Variants in SYN3 observed in about 807,000 individuals in gnomAD.
The protein encoded by SYN3 is synapsin-3.
A neutral mutation model predicts 65.8 loss-of-function variants in SYN3; 35 were observed. That is an observed-to-expected ratio of 0.53 (90% CI 0.41 to 0.70). The LOEUF (loss-of-function observed/expected upper bound fraction) is 0.70, where lower values mean the gene tolerates loss of function less well. SYN3 is among the 30% of genes least tolerant of loss of function. The probability of loss-of-function intolerance (pLI) is 0.00; values close to 1 mark genes in which losing one functional copy is unlikely to be tolerated. For synonymous variants in SYN3, 270 were observed against 292.9 expected (o/e 0.92, Z 0.80); for missense variants, 680 against 749.0 (o/e 0.91, Z 1.08).
intron 6 of SYN3, among the ~76,000 whole-genome samples, chr22:32,631,371 T>G (rs1028886101): frequency 3.3e-5 from 5 of 152,050 alleles, no homozygotes; most frequent in African/African-American, 1.2e-4. Flanking sequence ...GATGTTGGGT[T>G]TTTGTGCGTA....
chr22:32,892,595 T>C (rs2049482270), intron 4 of SYN3, among the ~76,000 whole-genome samples: 1 of 152,184 alleles, frequency 6.6e-6, no homozygotes, highest in East Asian at 1.9e-4. Flanking sequence ...TTCTGATCCT[T>C]GAAAGTATAG....
At chr22:32,691,417 C>G (rs2060659956) in intron 6 of SYN3, among the ~76,000 whole-genome samples, 1 of 152,134 alleles carries the variant, frequency 6.6e-6, no homozygotes, top group African/African-American at 2.4e-5. Flanking sequence ...ACATGGGCTG[C>G]CTTTACTTTT....
At chr22:32,867,396 G>A (rs2048714183) in intron 5 of SYN3, among the ~76,000 whole-genome samples, 1 of 152,164 alleles carries the variant, frequency 6.6e-6, no homozygotes, top group Non-Finnish European at 1.5e-5. Flanking sequence ...TATGTTTCTA[G>A]GACTTACAAC....
chr22:32,554,728 C>T (rs1249664437), intron 7 of SYN3, among the ~76,000 whole-genome samples: 1 of 152,194 alleles, frequency 6.6e-6, no homozygotes, highest in Non-Finnish European at 1.5e-5. Flanking sequence ...ATAAGACCCC[C>T]TTCCCCTCCC....
chr22:32,811,288 A>C (rs1027751898), intron 6 of SYN3, among the ~76,000 whole-genome samples: 4 of 152,180 alleles, frequency 2.6e-5, no homozygotes, highest in Non-Finnish European at 4.4e-5. Flanking sequence ...AATGGGTAGA[A>C]TCTTCCCAAG....
intron 4 of SYN3, among the ~76,000 whole-genome samples, chr22:32,897,818 A>T (rs1345719640): frequency 6.6e-6 from 1 of 152,010 alleles, no homozygotes; most frequent in African/African-American, 2.4e-5. Context: ...AAGTCTTTTT[A>T]TATATATTTT....
chr22:32,629,977 A>G (rs1440813199), intron 6 of SYN3: 1 of 149,582 alleles, frequency 6.7e-6, no homozygotes, highest in Non-Finnish European at 1.5e-5. Flanking sequence ...GTTATTTTAT[A>G]TAGGTATGTA....
At chr22:32,652,702 G>A (rs1041297405) in intron 6 of SYN3, among the ~76,000 whole-genome samples, 3 of 152,156 alleles carry the variant, frequency 2.0e-5, no homozygotes, top group Non-Finnish European at 4.4e-5. Flanking sequence ...AGGAAGTGAT[G>A]TCAGAGACCA....
At chr22:32,741,620 G>T (rs2061407668) in intron 6 of SYN3, among the ~76,000 whole-genome samples, 1 of 152,036 alleles carries the variant, frequency 6.6e-6, no homozygotes, top group South Asian at 2.1e-4. Flanking sequence ...CTCCCAAAGT[G>T]CTGGGATTAC....
intron 4 of SYN3, among the ~76,000 whole-genome samples, chr22:32,881,529 C>G (rs1056306006): frequency 6.6e-6 from 1 of 152,168 alleles, no homozygotes; most frequent in Non-Finnish European, 1.5e-5. Context: ...AGATGCTAAA[C>G]GCTCCTGCCT....
intron 1 of SYN3, among the ~76,000 whole-genome samples, chr22:33,044,255 C>T (rs915457365): frequency 1.3e-5 from 2 of 152,172 alleles, no homozygotes; most frequent in Admixed American, 1.3e-4. Flanking sequence ...AATCTTCTGC[C>T]AACACACCAC....
At chr22:32,559,791 C>G (rs1260800440) in intron 7 of SYN3, among the ~76,000 whole-genome samples, 1 of 150,192 alleles carries the variant, frequency 6.7e-6, no homozygotes, top group Non-Finnish European at 1.5e-5. Context: ...GATAGCGCCA[C>G]TGCCCTCCAG....
intron 7 of SYN3, among the ~76,000 whole-genome samples, chr22:32,593,248 CA>C (rs1436288185): frequency 6.7e-5 from 10 of 149,622 alleles, no homozygotes; most frequent in African/African-American, 1.7e-4. Flanking sequence ...TCGTCTGTGT[CA>C]TTTTTTTTTT....
chr22:32,746,258 T>A (rs1000420756), intron 6 of SYN3, among the ~76,000 whole-genome samples: 1 of 152,196 alleles, frequency 6.6e-6, no homozygotes, highest in African/African-American at 2.4e-5. Flanking sequence ...CCCCTTTGGG[T>A]TGACTTTTAT....
chr22:32,813,762 G>A (rs956441855), intron 6 of SYN3, among the ~76,000 whole-genome samples: 7 of 151,628 alleles, frequency 4.6e-5, no homozygotes, highest in African/African-American at 7.3e-5. Context: ...CCTTGGCCTC[G>A]TTCATGGCTA....
At chr22:32,532,509 C>T (rs1569011292) in intron 10 of SYN3, among the ~76,000 whole-genome samples, 1 of 152,300 alleles carries the variant, frequency 6.6e-6, no homozygotes, top group Non-Finnish European at 1.5e-5. Context: ...GAGCTGTTCT[C>T]CAGAGTGGGA....
intron 6 of SYN3, among the ~76,000 whole-genome samples, chr22:32,833,365 C>A (rs2047634791): frequency 6.6e-6 from 1 of 152,062 alleles, no homozygotes; most frequent in Admixed American, 6.6e-5. Context: ...TTTTTGTAAG[C>A]CCAAGATGTC....
chr22:33,045,572 G>A (rs969872555), intron 1 of SYN3, among the ~76,000 whole-genome samples: 26 of 142,142 alleles, frequency 1.8e-4, no homozygotes, highest in Middle Eastern at 4.0e-3. Flanking sequence ...GGTTCATGCC[G>A]TTCTCCTGCC....
At chr22:32,665,568 G>T (rs1430609296) in intron 6 of SYN3, among the ~76,000 whole-genome samples, 1 of 151,650 alleles carries the variant, frequency 6.6e-6, no homozygotes, top group Non-Finnish European at 1.5e-5. Flanking sequence ...AGGCATTTGG[G>T]CTGGTTCCAT....
Sources: gnomAD v4.1 joint callset for allele counts (sites outside exome capture counted in the v4.1 genomes callset) on GRCh38, gnomAD v4.1.1 for gene constraint, MANE v1.5 for transcripts, NCBI Gene and HGNC (gene_info 2026-07-23, HGNC 2026-07-21) for gene names.